Variants in TDRD1 observed in about 807,000 individuals in gnomAD.
The protein encoded by TDRD1 is tudor domain-containing protein 1.
In TDRD1, 37 loss-of-function variants were observed where a neutral mutation model predicts 140.6. The ratio of observed to expected loss-of-function variants is 0.26; its 90% CI spans 0.20 to 0.35. The LOEUF (loss-of-function observed/expected upper bound fraction) is 0.35, where lower values mean the gene tolerates loss of function less well. TDRD1 is among the 10% of genes least tolerant of loss of function. TDRD1 has a pLI of 1.00. For missense variants in TDRD1, 1,243 were observed against 1,393.0 expected, an observed-to-expected ratio of 0.89 and a Z score of 1.71; for synonymous variants, 506 against 475.7, an observed-to-expected ratio of 1.06 and a Z score of -0.83.
At chr10:114,210,049 T>C (rs1045328997) in intron 11 of TDRD1, among the ~76,000 whole-genome samples, 1 of 152,248 alleles carries the variant, frequency 6.6e-6, no homozygotes, top group Non-Finnish European at 1.5e-5. Context: ...TTGAAGCCTT[T>C]CCTTCTTAAA....
chr10:114,206,431 A>G, intron 11 of TDRD1, 101 bp downstream of exon 11: 1 of 806,914 alleles, frequency 1.2e-6, no homozygotes, highest in Admixed American at 2.4e-5. Flanking sequence ...AGACTTGTTA[A>G]CGATAAACAT....
At chr10:114,219,755 T>C (rs1289887358) in intron 18 of TDRD1, among the ~76,000 whole-genome samples, 1 of 152,006 alleles carries the variant, frequency 6.6e-6, no homozygotes, top group African/African-American at 2.4e-5. Context: ...CACGCCCAAC[T>C]AATTTTTTGT....
chr10:114,203,440 C>G (rs2034893402), exon 8 of TDRD1: 1 of 1,613,690 alleles, frequency 6.2e-7, no homozygotes, highest in Non-Finnish European at 8.5e-7. Context: ...CAGTTATATT[C>G]TTCAGAAGTT....
intron 16 of TDRD1, among the ~76,000 whole-genome samples, chr10:114,215,305 C>T (rs1008162587): frequency 2.0e-4 from 30 of 152,084 alleles, no homozygotes; most frequent in African/African-American, 7.0e-4. Context: ...TTCTTTCTAC[C>T]ATTGGACACT....
chr10:114,204,664 T>A (rs1007566144), intron 9 of TDRD1, 58 bp from the exon 10 acceptor site: 3 of 1,495,382 alleles, frequency 2.0e-6, no homozygotes, highest in Admixed American at 2.4e-5. Context: ...TACAAATAAT[T>A]AGAAAAAATC....
chr10:114,184,888 T>G (rs2033393445), intron 1 of TDRD1, among the ~76,000 whole-genome samples: 1 of 152,210 alleles, frequency 6.6e-6, no homozygotes, highest in Admixed American at 6.5e-5. Flanking sequence ...TGTATTGTGA[T>G]GAGTGAATGT....
chr10:114,178,946 A>G (rs2032799074), upstream of TDRD1, among the ~76,000 whole-genome samples: 1 of 152,030 alleles, frequency 6.6e-6, no homozygotes, highest in Non-Finnish European at 1.5e-5. Context: ...CTCAGTCAGG[A>G]AGCAAAGAAA....
exon 20 of TDRD1, chr10:114,221,365 T>C: frequency 1.2e-6 from 2 of 1,613,322 alleles, no homozygotes; most frequent in Non-Finnish European, 1.7e-6. Context: ...AGCTACCTCT[T>C]CAGCTGAGCA....
At chr10:114,217,413 G>A in intron 16 of TDRD1, 132 bp from the exon 17 acceptor site, 1 of 514,812 alleles carries the variant, frequency 1.9e-6, no homozygotes, top group African/African-American at 2.0e-5. Context: ...AAAAGCATTG[G>A]GTAGACTTAA....
chr10:114,203,961 C>A, intron 8 of TDRD1, 112 bp from the exon 9 acceptor site: 1 of 1,271,528 alleles, frequency 7.9e-7, no homozygotes, highest in Non-Finnish European at 1.1e-6. Context: ...TAATTGAGTG[C>A]CTCAGAACAG....
chr10:114,179,951 G>T (rs972424146), intron 1 of TDRD1: 40 of 152,206 alleles, frequency 2.6e-4, no homozygotes, highest in African/African-American at 9.2e-4. Context: ...TCCTTAGTGA[G>T]GCAGCACGGT....
chr10:114,200,536 G>A (rs182087632), intron 4 of TDRD1, among the ~76,000 whole-genome samples: 39 of 152,206 alleles, frequency 2.6e-4, no homozygotes, highest in African/African-American at 8.9e-4. Context: ...AGCCATTTCA[G>A]TCGCTTGTAC....
At chr10:114,228,786 T>C in intron 25 of TDRD1, 6 of 985,398 alleles carry the variant, frequency 6.1e-6, no homozygotes, top group Non-Finnish European at 7.2e-6. Context: ...AAGAGCCAAT[T>C]AGAACTTCTG....
At chr10:114,201,982 C>G (rs1289048529) in intron 5 of TDRD1, among the ~76,000 whole-genome samples, 3 of 152,276 alleles carry the variant, frequency 2.0e-5, no homozygotes, top group Middle Eastern at 3.4e-3. Flanking sequence ...GAGATATTCT[C>G]TCTGTCTGTC....
intron 16 of TDRD1, among the ~76,000 whole-genome samples, chr10:114,215,866 T>G (rs1400457872): frequency 6.6e-6 from 1 of 152,180 alleles, no homozygotes; most frequent in Non-Finnish European, 1.5e-5. Context: ...TCTTCTCAAT[T>G]TTCCAAATAT....
At chr10:114,211,226 T>C (rs887683913) in intron 13 of TDRD1, among the ~76,000 whole-genome samples, 2 of 152,202 alleles carry the variant, frequency 1.3e-5, no homozygotes, top group Admixed American at 1.3e-4. Context: ...GGTTATTTTG[T>C]CAGCCTTTTG....
At chr10:114,227,766 C>G (rs920922597) in intron 23 of TDRD1, 144 bp from the exon 24 acceptor site, 5 of 645,370 alleles carry the variant, frequency 7.7e-6, no homozygotes, top group Admixed American at 2.9e-5. Flanking sequence ...AGTAGATAAT[C>G]TCAAAGCCCA....
upstream of TDRD1, among the ~76,000 whole-genome samples, chr10:114,174,875 C>G (rs2032656194): frequency 6.6e-6 from 1 of 152,194 alleles, no homozygotes; most frequent in South Asian, 2.1e-4. Flanking sequence ...ACAGTTGCCT[C>G]GCCCGGCCCA....
At chr10:114,229,132 A>G (rs1346885427) in intron 25 of TDRD1, among the ~76,000 whole-genome samples, 3 of 152,192 alleles carry the variant, frequency 2.0e-5, no homozygotes, top group African/African-American at 7.2e-5. Flanking sequence ...ATCTCAGAAT[A>G]AAGTTGTCTC....
Sources: gnomAD v4.1 joint callset for allele counts (sites outside exome capture counted in the v4.1 genomes callset) on GRCh38, gnomAD v4.1.1 for gene constraint, MANE v1.5 for transcripts, NCBI Gene and HGNC (gene_info 2026-07-23, HGNC 2026-07-21) for gene names.